Variants in CDH13 observed in about 807,000 individuals in gnomAD.
CDH13 encodes cadherin-13.
CDH13 carries 24 observed loss-of-function variants against 63.8 expected under a neutral mutation model. The ratio of observed to expected loss-of-function variants is 0.38; its 90% CI spans 0.27 to 0.53. The LOEUF (loss-of-function observed/expected upper bound fraction) is 0.53. CDH13 is among the 20% of genes least tolerant of loss of function. The pLI is 0.85. For missense variants in CDH13, 1,049 were observed against 903.1 expected, an observed-to-expected ratio of 1.16 and a Z score of -2.07; for synonymous variants, 503 against 355.3, an observed-to-expected ratio of 1.42 and a Z score of -4.67.
At chr16:83,140,255 C>A (rs959190574) in intron 4 of CDH13, among the ~76,000 whole-genome samples, 2 of 152,156 alleles carry the variant, frequency 1.3e-5, no homozygotes, top group Admixed American at 6.5e-5. Context: ...CTAATCATAC[C>A]TATTCCTACA....
intron 3 of CDH13, among the ~76,000 whole-genome samples, chr16:83,079,566 C>A (rs2033094602): frequency 6.6e-6 from 1 of 152,162 alleles, no homozygotes; most frequent in Non-Finnish European, 1.5e-5. Flanking sequence ...TGCAAAGTAC[C>A]TAGCACTCTC....
chr16:83,636,945 A>C (rs993084064), intron 8 of CDH13, among the ~76,000 whole-genome samples: 2 of 152,172 alleles, frequency 1.3e-5, no homozygotes, highest in African/African-American at 4.8e-5. Context: ...TTTGAACAAA[A>C]GCCATTCCAA....
intron 2 of CDH13, among the ~76,000 whole-genome samples, chr16:82,971,577 A>G (rs1048904602): frequency 6.6e-6 from 1 of 152,184 alleles, no homozygotes; most frequent in Non-Finnish European, 1.5e-5. Flanking sequence ...CATCCAGTTC[A>G]CCATGTTGTT....
At chr16:83,057,538 C>G (rs541179681) in intron 3 of CDH13, among the ~76,000 whole-genome samples, 1 of 151,504 alleles carries the variant, frequency 6.6e-6, no homozygotes, top group Non-Finnish European at 1.5e-5. Context: ...AATTGGATGA[C>G]TCCCGCTTTT....
chr16:82,700,563 G>T (rs181795058), intron 1 of CDH13, among the ~76,000 whole-genome samples: 1 of 151,876 alleles, frequency 6.6e-6, no homozygotes, highest in African/African-American at 2.4e-5. Context: ...GTCTTTCTAT[G>T]TGTAAATGTC....
At chr16:83,198,710 T>C (rs879701332) in intron 4 of CDH13, among the ~76,000 whole-genome samples, 2 of 152,178 alleles carry the variant, frequency 1.3e-5, no homozygotes, top group African/African-American at 2.4e-5. Context: ...GGAATAAATA[T>C]ATAGTCTGTT....
At chr16:82,838,776 A>G (rs1364927367) in intron 1 of CDH13, among the ~76,000 whole-genome samples, 1 of 152,196 alleles carries the variant, frequency 6.6e-6, no homozygotes, top group African/African-American at 2.4e-5. Flanking sequence ...GTCATACGTG[A>G]CAAGTGTGAT....
At position 83,696,974 on chromosome 16, in the gene CDH13, C is replaced by T. The variant is rs1905493671; in HGVS notation, c.1538+18513C>T. Among the ~76,000 whole-genome samples, 6 of 152,196 alleles carry T rather than the reference C, an allele frequency of 3.9e-5. No homozygotes were observed. In the South Asian group the frequency reaches 1.2e-3, roughly 32 times the overall value. On this transcript the variant is annotated intron_variant, in intron 10 of 13. Transcript: ENST00000567109. ...CTGGCCTCGGTGCTGAGCTTCCTCTCCTCTCGCTCCTCTGGCAGTCTCTCC... is the reference window on the plus strand; with the variant it reads ...CTGGCCTCGGTGCTGAGCTTCCTCTTCTCTCGCTCCTCTGGCAGTCTCTCC...
At chr16:83,254,728 G>C (rs1164008069) in intron 5 of CDH13, among the ~76,000 whole-genome samples, 1 of 152,118 alleles carries the variant, frequency 6.6e-6, no homozygotes, top group Non-Finnish European at 1.5e-5. Flanking sequence ...AATTCTCCAG[G>C]ATTTTGCTTA....
intron 10 of CDH13, among the ~76,000 whole-genome samples, chr16:83,712,755 G>C (rs1825576684): frequency 6.6e-6 from 1 of 152,184 alleles, no homozygotes; most frequent in African/African-American, 2.4e-5. Flanking sequence ...TCCTCTAAGT[G>C]ACTAGACTCT....
At chr16:83,613,122 C>A (rs896419019) in intron 8 of CDH13, among the ~76,000 whole-genome samples, 1 of 152,168 alleles carries the variant, frequency 6.6e-6, no homozygotes, top group Non-Finnish European at 1.5e-5. Context: ...ATTTCATTGT[C>A]TTCTGACATC....
chr16:82,730,573 A>G (rs940609655), intron 1 of CDH13, among the ~76,000 whole-genome samples: 1 of 152,254 alleles, frequency 6.6e-6, no homozygotes, highest in African/African-American at 2.4e-5. Context: ...ACCATGACAG[A>G]TATCATAATA....
chr16:83,308,064 A>C (rs1040604086), intron 5 of CDH13, among the ~76,000 whole-genome samples: 1 of 152,210 alleles, frequency 6.6e-6, no homozygotes, highest in Non-Finnish European at 1.5e-5. Flanking sequence ...ACTAATTGTA[A>C]AAGCTCTAAA....
At chr16:83,580,430 G>T (rs1419826066) in intron 7 of CDH13, among the ~76,000 whole-genome samples, 3 of 140,652 alleles carry the variant, frequency 2.1e-5, no homozygotes, top group African/African-American at 7.9e-5. Flanking sequence ...TCAGCACCCA[G>T]TTTTCATTTC....
intron 4 of CDH13, among the ~76,000 whole-genome samples, chr16:83,186,507 G>C (rs2038530360): frequency 6.6e-6 from 1 of 151,930 alleles, no homozygotes; most frequent in African/African-American, 2.4e-5. Flanking sequence ...AGGTTCTCTT[G>C]TGTTGCTTTT....
intron 2 of CDH13, among the ~76,000 whole-genome samples, chr16:82,869,494 A>G (rs1597853747): frequency 6.6e-6 from 1 of 152,192 alleles, no homozygotes; most frequent in Non-Finnish European, 1.5e-5. Context: ...TCTAAAATTT[A>G]TACAGAACCC....
chr16:83,602,426 A>G (rs565495702), intron 7 of CDH13, 28 bp from the exon 8 acceptor site: 4 of 1,613,374 alleles, frequency 2.5e-6, no homozygotes, highest in Non-Finnish European at 3.4e-6. Context: ...TAAATGTCAT[A>G]TTATTTCTTT....
At chr16:83,192,497 C>T (rs767966660) in intron 4 of CDH13, among the ~76,000 whole-genome samples, 5 of 152,132 alleles carry the variant, frequency 3.3e-5, no homozygotes, top group Non-Finnish European at 7.4e-5. Context: ...TTGTGATTCC[C>T]AGCTCTCCCT....
At chr16:83,463,136 T>G (rs1055032887) in intron 6 of CDH13, among the ~76,000 whole-genome samples, 5 of 152,092 alleles carry the variant, frequency 3.3e-5, no homozygotes, top group Non-Finnish European at 7.4e-5. Context: ...GCAGAAATTA[T>G]TTGAGATGAA....
Sources: allele counts gnomAD v4.1 joint callset (sites outside exome capture counted in the v4.1 genomes callset), GRCh38; gene constraint gnomAD v4.1.1; transcripts MANE v1.5; gene names NCBI Gene and HGNC (gene_info 2026-07-23, HGNC 2026-07-21).